Variants in AK7 observed in about 807,000 individuals in gnomAD.
AK7 encodes the protein adenylate kinase 7.
AK7 carries 78 observed loss-of-function variants against 96.6 expected under a neutral mutation model. The observed-to-expected ratio is 0.81, with a 90% confidence interval of 0.67 to 0.97. The LOEUF (loss-of-function observed/expected upper bound fraction) is 0.97. AK7 is among the 50% of genes least tolerant of loss of function. The pLI is 0.00. For missense variants in AK7, 855 were observed against 887.9 expected, an observed-to-expected ratio of 0.96 and a Z score of 0.47; for synonymous variants, 302 against 317.2, an observed-to-expected ratio of 0.95 and a Z score of 0.51.
intron 5 of AK7, among the ~76,000 whole-genome samples, chr14:96,435,582 C>T (rs1043156405): frequency 2.2e-4 from 34 of 152,174 alleles, no homozygotes; most frequent in Admixed American, 7.2e-4. Context: ...TCCACTGTCT[C>T]TGGGCCTCGC....
chr14:96,435,411 A>C (rs1019894283), intron 5 of AK7, among the ~76,000 whole-genome samples: 1 of 152,056 alleles, frequency 6.6e-6, no homozygotes, highest in African/African-American at 2.4e-5. Flanking sequence ...TTCTAGATGC[A>C]AGACAAAGTC....
intron 4 of AK7, among the ~76,000 whole-genome samples, chr14:96,411,384 G>C (rs143635695): frequency 7.3e-5 from 11 of 150,778 alleles, no homozygotes; most frequent in Admixed American, 1.3e-4. Context: ...GGTGGTACGC[G>C]CCTGTAGTCC....
intron 4 of AK7, among the ~76,000 whole-genome samples, chr14:96,418,468 A>AT (rs35710240): frequency 0.35 from 53,234 of 151,306 alleles, 9,612 homozygotes; most frequent in Middle Eastern, 0.4. Flanking sequence ...GGCTCCAGTC[A>AT]TTTTCTCAGG....
intron 12 of AK7, among the ~76,000 whole-genome samples, chr14:96,467,620 G>A (rs977204301): frequency 4.6e-5 from 7 of 152,112 alleles, no homozygotes; most frequent in African/African-American, 1.2e-4. Flanking sequence ...GATCATAGGC[G>A]TGAGCCACCC....
chr14:96,419,769 CA>C (rs1566771565), intron 4 of AK7, among the ~76,000 whole-genome samples: 5 of 139,498 alleles, frequency 3.6e-5, no homozygotes. Context: ...TCTCCTAAAG[CA>C]TTTTTTTTTC....
Position 96,489,327 on chromosome 14 carries a change from C to T in AK7, c.*984C>T, listed in dbSNP as rs1895941010. 6.6e-6 allele frequency: 1 copy of T among 152,246 alleles called. No individual in the cohort carries two copies. The highest frequency in any genetic ancestry group is 2.4e-5 in the African/African-American group (1 of 41,458). The allele number at this position is 152,246 out of a possible 1,614,324, so 9.4% of individuals were successfully genotyped here. A position where few individuals can be genotyped will look rare whatever the true frequency, so the allele number is the denominator to read the frequency against. ...GGAAACCCAGCACCTATTAGGCAGT[C>T]ACGCTCCATTATTCCCTCCCCCCAG... On this transcript the variant is annotated 3_prime_UTR_variant, in exon 18 of 18. Transcript: ENST00000267584.
intron 7 of AK7, among the ~76,000 whole-genome samples, chr14:96,445,336 A>G (rs566598409): frequency 6.6e-6 from 1 of 152,350 alleles, no homozygotes; most frequent in Non-Finnish European, 1.5e-5. Flanking sequence ...AACAGAGGAA[A>G]AAGCAAAAAG....
intron 12 of AK7, among the ~76,000 whole-genome samples, chr14:96,471,042 A>T (rs1894855592): frequency 6.6e-6 from 1 of 152,152 alleles, no homozygotes; most frequent in African/African-American, 2.4e-5. Flanking sequence ...CAAAGTACAA[A>T]ATCACATATT....
intron 10 of AK7, 112 bp from the exon 11 acceptor site, chr14:96,456,235 T>C: frequency 1.0e-6 from 1 of 956,524 alleles, no homozygotes; most frequent in East Asian, 2.9e-5. Context: ...AGAGACTCTG[T>C]CTCAAAAAAA....
rs565306950 is a variant in AK7 at position 96,447,765 on chromosome 14, G to C, written c.870+1158G>C. ...TCGGCCTCTGAAAGTGCTAGGATTA[G>C]AGGTCTGAGCCATTGTGCCCAGCAT... is the stretch of plus-strand genomic sequence containing the variant. On this transcript the variant is annotated intron_variant, in intron 8 of 17. Coordinates refer to ENST00000267584, the MANE Select transcript of AK7 (RefSeq NM_152327.5). 2.0e-5 allele frequency among the ~76,000 whole-genome samples: 3 copies of C among 152,222 alleles called. 1 individual carries two copies. In the South Asian group the frequency reaches 6.2e-4, roughly 32 times the overall value.
intron 5 of AK7, among the ~76,000 whole-genome samples, chr14:96,425,728 C>A (rs771448831): frequency 1.3e-5 from 2 of 152,150 alleles, no homozygotes; most frequent in Admixed American, 6.6e-5. Flanking sequence ...AGGTGATTCA[C>A]CTGCCTCGGC....
At chr14:96,419,776 T>TTTTTC in intron 4 of AK7, among the ~76,000 whole-genome samples, 2 of 139,828 alleles carry the variant, frequency 1.4e-5, no homozygotes, top group Middle Eastern at 7.0e-3. Flanking sequence ...AAGCATTTTT[T>TTTTTC]TTTCTTTCTT....
At chr14:96,424,046 G>A (rs1891871096) in intron 5 of AK7, 6 of 737,998 alleles carry the variant, frequency 8.1e-6, no homozygotes, top group African/African-American at 3.5e-5. Flanking sequence ...CCTAAATCAA[G>A]ACCATCCCAC....
At chr14:96,406,065 T>G (rs1219122423) in intron 3 of AK7, among the ~76,000 whole-genome samples, 1 of 152,146 alleles carries the variant, frequency 6.6e-6, no homozygotes, top group Admixed American at 6.5e-5. Context: ...TCATTTTTTT[T>G]TTTTTTGAGG....
chr14:96,415,754 A>ATTTAATACATTAATTAATTAAATTAAT (rs1465091624), intron 4 of AK7, among the ~76,000 whole-genome samples: 5 of 145,344 alleles, frequency 3.4e-5, no homozygotes, highest in Middle Eastern at 3.6e-3. Context: ...AAATTAATTA[A>ATTTAATACATTAATTAATTAAATTAAT]TTTAATACAT....
intron 5 of AK7, chr14:96,424,251 C>A: frequency 9.3e-6 from 4 of 430,414 alleles, no homozygotes; most frequent in South Asian, 2.4e-5. Flanking sequence ...CCGGGAGTGC[C>A]GCGGGAGGCC....
chr14:96,418,906 C>T (rs1031164203), intron 4 of AK7, among the ~76,000 whole-genome samples: 1 of 152,218 alleles, frequency 6.6e-6, no homozygotes, highest in Non-Finnish European at 1.5e-5. Context: ...GGTTATTTAA[C>T]TTAGACCAAT....
chr14:96,476,945 T>A (rs1237301246), intron 14 of AK7, among the ~76,000 whole-genome samples: 1 of 152,232 alleles, frequency 6.6e-6, no homozygotes, highest in Non-Finnish European at 1.5e-5. Flanking sequence ...AAATAAGTTT[T>A]CATATAGATG....
rs1894927617 is a variant in AK7, at chr14:96,472,127, T to G, written c.1486+521T>G. 2.0e-5 allele frequency among the ~76,000 whole-genome samples: 3 copies of G among 152,194 alleles called. No homozygotes were observed. In the South Asian group the frequency reaches 6.2e-4, roughly 32 times the overall value. ...CTGTCACTGATTTCACTTAGCATAATGTCCTCAAGGTTCATCCTTGTTGTT... is the reference window on the plus strand; with the variant it reads ...CTGTCACTGATTTCACTTAGCATAAGGTCCTCAAGGTTCATCCTTGTTGTT... On this transcript the variant is annotated intron_variant, in intron 13 of 17. Coordinates refer to ENST00000267584, the MANE Select transcript of AK7 (RefSeq NM_152327.5).
Sources: gnomAD v4.1 joint callset for allele counts (sites outside exome capture counted in the v4.1 genomes callset) on GRCh38, gnomAD v4.1.1 for gene constraint, MANE v1.5 for transcripts, NCBI Gene and HGNC (gene_info 2026-07-23, HGNC 2026-07-21) for gene names.